Variants in NEDD4L observed in about 807,000 individuals in gnomAD.
NEDD4L encodes the protein NEDD4 like E3 ubiquitin protein ligase, also known as E3 ubiquitin-protein ligase NEDD4-like.
NEDD4L carries 54 observed loss-of-function variants against 148.9 expected under a neutral mutation model. That is an observed-to-expected ratio of 0.36 (90% CI 0.29 to 0.45). The LOEUF is 0.45. Ranked by LOEUF, NEDD4L falls within the 20% of genes least tolerant of loss-of-function variation. The pLI is 1.00. For synonymous variants in NEDD4L, 433 were observed against 440.7 expected, an observed-to-expected ratio of 0.98 and a Z score of 0.22; for missense variants, 856 against 1,233.8, an observed-to-expected ratio of 0.69 and a Z score of 4.59.
intron 27 of NEDD4L, 45 bp downstream of exon 27, chr18:58,387,543 G>C (rs2049203297): frequency 6.9e-7 from 1 of 1,457,636 alleles, no homozygotes; most frequent in South Asian, 1.3e-5. Flanking sequence ...ATTTTTTAAA[G>C]TATCTCTCAT....
rs1357808628 is a variant in NEDD4L, at chr18:58,398,543, C to CT, written c.*2274_*2275insT. ...TGACAATTTCTAAGCCAGAAGCAAA[C>CT]AAGAATTACTGAAATCTACCCCATG... On this transcript the variant is annotated 3_prime_UTR_variant, in exon 31 of 31. Transcript: ENST00000400345. The CT allele has an allele frequency of 6.6e-6, 1 of 152,128 alleles. No individual in the cohort carries two copies. Among genetic ancestry groups the CT allele is most frequent in the Non-Finnish European group, 1.5e-5 (1 of 68,030 alleles). 9.4% of individuals were successfully genotyped at this position (152,128 alleles called of 1,614,324 possible).
intron 1 of NEDD4L, among the ~76,000 whole-genome samples, chr18:58,115,751 GT>G (rs2085779769): frequency 6.6e-6 from 1 of 152,180 alleles, no homozygotes; most frequent in Admixed American, 6.5e-5. Flanking sequence ...TGAGCAAAAC[GT>G]TGACAGAGGG....
chr18:58,157,199 A>G (rs1370953759), intron 1 of NEDD4L, among the ~76,000 whole-genome samples: 1 of 151,900 alleles, frequency 6.6e-6, no homozygotes, highest in Non-Finnish European at 1.5e-5. Flanking sequence ...AAAAAAAAAA[A>G]AAAGAAAAAT....
At chr18:58,357,288 A>G in intron 19 of NEDD4L, 36 bp downstream of exon 19, 2 of 1,576,204 alleles carry the variant, frequency 1.3e-6, no homozygotes, top group Non-Finnish European at 1.7e-6. Context: ...TCAGTATAAG[A>G]TTTTGGTTAC....
At chr18:58,389,004 G>A in intron 27 of NEDD4L, 81 bp from the exon 28 acceptor site, 2 of 1,071,064 alleles carry the variant, frequency 1.9e-6, no homozygotes, top group Non-Finnish European at 1.4e-6. Context: ...CCACATGCTG[G>A]CACTGAGGGT....
At chr18:58,264,548 C>T (rs2049942709) in intron 5 of NEDD4L, among the ~76,000 whole-genome samples, 1 of 151,786 alleles carries the variant, frequency 6.6e-6, no homozygotes, top group African/African-American at 2.4e-5. Context: ...TATCTTGTAC[C>T]TGTTTATGGG....
intron 1 of NEDD4L, among the ~76,000 whole-genome samples, chr18:58,103,027 G>C (rs1400528027): frequency 1.3e-5 from 2 of 151,842 alleles, no homozygotes; most frequent in Non-Finnish European, 2.9e-5. Flanking sequence ...ATCTGTGCTG[G>C]CTTATCATGA....
intron 1 of NEDD4L, among the ~76,000 whole-genome samples, chr18:58,061,111 G>T (rs999068145): frequency 6.7e-6 from 1 of 148,880 alleles, no homozygotes; most frequent in African/African-American, 2.6e-5. Flanking sequence ...CTGACATCTA[G>T]AAGGTGGAGG....
intron 19 of NEDD4L, 82 bp downstream of exon 19, chr18:58,357,334 T>A: frequency 8.4e-7 from 1 of 1,187,220 alleles, no homozygotes; most frequent in Non-Finnish European, 1.3e-6. Context: ...CTGATAACGG[T>A]GATGTCAAGG....
rs191157652 is a variant in NEDD4L at position 58,093,281 on chromosome 18, A to G, written c.48+48573A>G. 5.9e-5 allele frequency among the ~76,000 whole-genome samples: 9 copies of G among 152,316 alleles called. No homozygotes were observed. The East Asian group carries it at 1.7e-3, about 29-fold the overall frequency. On this transcript the variant is annotated intron_variant, in intron 1 of 30. Transcript: ENST00000400345. ...TGACATCTAGCATGGTGCATTTCAC[A>G]TAGGAGTTTTTCAAGAAGTACTCAT...
rs2085379395 is a variant in NEDD4L, at chr18:58,110,918, A to C, written c.49-54870A>C. On this transcript the variant is annotated intron_variant, in intron 1 of 30. Coordinates refer to ENST00000400345, the MANE Select transcript of NEDD4L (RefSeq NM_001144967.3). ...CTTTTGTCCAAGGTATTTTTCAATG[A>C]ACTAAATGTCAGAAACACACACGCT... Among the ~76,000 whole-genome samples, 2 of 152,226 alleles carry C rather than the reference A, an allele frequency of 1.3e-5. 1 individual carries two copies. Among genetic ancestry groups the C allele is most frequent in the Non-Finnish European group, 2.9e-5 (2 of 68,042 alleles).
At chr18:58,371,263 C>A (rs1337268842) in intron 23 of NEDD4L, among the ~76,000 whole-genome samples, 7 of 144,956 alleles carry the variant, frequency 4.8e-5, no homozygotes, top group Admixed American at 2.8e-4. Context: ...CTATGTTGGC[C>A]AGGATGGTCT....
intron 1 of NEDD4L, among the ~76,000 whole-genome samples, chr18:58,119,350 A>T (rs1598915096): frequency 1.3e-5 from 2 of 152,080 alleles, no homozygotes; most frequent in Admixed American, 1.3e-4. Context: ...TTTGTGTTGA[A>T]AAAGGTACCC....
intron 5 of NEDD4L, among the ~76,000 whole-genome samples, chr18:58,253,745 G>T (rs1191133422): frequency 6.6e-6 from 1 of 152,162 alleles, no homozygotes; most frequent in Non-Finnish European, 1.5e-5. Flanking sequence ...CTTCTATTAA[G>T]AGAAATTCAC....
intron 2 of NEDD4L, among the ~76,000 whole-genome samples, chr18:58,175,389 A>C (rs771756879): frequency 6.6e-6 from 1 of 152,236 alleles, no homozygotes; most frequent in South Asian, 2.1e-4. Context: ...ACAGGCCGGC[A>C]TTTGGACTTG....
intron 1 of NEDD4L, among the ~76,000 whole-genome samples, chr18:58,094,628 T>C (rs941208072): frequency 7.2e-5 from 11 of 152,324 alleles, no homozygotes; most frequent in African/African-American, 2.4e-4. Flanking sequence ...CCCCGTGGAC[T>C]GTGTTTATTC....
chr18:58,323,834 T>A (rs2059067945), intron 8 of NEDD4L, among the ~76,000 whole-genome samples: 1 of 152,228 alleles, frequency 6.6e-6, no homozygotes, highest in Admixed American at 6.5e-5. Context: ...TTTTCCTTCC[T>A]GACAGAGCCG....
intron 8 of NEDD4L, among the ~76,000 whole-genome samples, chr18:58,324,359 G>A (rs9959043): frequency 1.6e-3 from 239 of 152,334 alleles, no homozygotes; most frequent in African/African-American, 5.7e-3. Context: ...CATGAAACCC[G>A]TTGGTGTGGA....
intron 30 of NEDD4L, 62 bp from the exon 31 acceptor site, chr18:58,396,105 A>G (rs2050463558): frequency 1.8e-6 from 2 of 1,110,126 alleles, no homozygotes; most frequent in East Asian, 2.4e-5. Flanking sequence ...CTCATGCCCT[A>G]TTAACCAGAT....
Sources: allele counts gnomAD v4.1 joint callset (sites outside exome capture counted in the v4.1 genomes callset), GRCh38; gene constraint gnomAD v4.1.1; transcripts MANE v1.5; gene names NCBI Gene and HGNC (gene_info 2026-07-23, HGNC 2026-07-21).